The following SWT1 variants were observed in gnomAD, a reference collection of about 807,000 sequenced individuals.
SWT1 encodes the protein transcriptional protein SWT1.
A neutral mutation model predicts 107.3 loss-of-function variants in SWT1; 33 were observed. The ratio of observed to expected loss-of-function variants is 0.31; its 90% CI spans 0.23 to 0.41. The LOEUF (loss-of-function observed/expected upper bound fraction) is 0.41. Ranked by LOEUF, SWT1 falls within the 10% of genes least tolerant of loss-of-function variation. The pLI is 1.00. For missense variants in SWT1, 898 were observed against 1,028.9 expected, an observed-to-expected ratio of 0.87 and a Z score of 1.74; for synonymous variants, 345 against 348.3, an observed-to-expected ratio of 0.99 and a Z score of 0.11.
intron 4 of SWT1, among the ~76,000 whole-genome samples, chr1:185,169,506 A>G (rs866563055): frequency 6.6e-6 from 1 of 152,204 alleles, no homozygotes; most frequent in Non-Finnish European, 1.5e-5. Context: ...AAAATTAGAG[A>G]TAATTTTATC....
intron 18 of SWT1, among the ~76,000 whole-genome samples, chr1:185,286,748 T>C (rs1404657097): frequency 6.6e-6 from 1 of 152,188 alleles, no homozygotes; most frequent in Admixed American, 6.5e-5. Flanking sequence ...ATAGAAATTA[T>C]TCTGTTTCTT....
At chr1:185,273,419 T>C (rs1212971560) in intron 17 of SWT1, among the ~76,000 whole-genome samples, 1 of 145,390 alleles carries the variant, frequency 6.9e-6, no homozygotes, top group Non-Finnish European at 1.5e-5. Flanking sequence ...ACAGTAAAAA[T>C]AGGCTGGGCG....
At chr1:185,232,914 C>G (rs1324293404) in intron 16 of SWT1, among the ~76,000 whole-genome samples, 9 of 152,068 alleles carry the variant, frequency 5.9e-5, no homozygotes, top group Non-Finnish European at 1.3e-4. Flanking sequence ...CTGGGGTGTG[C>G]CTGGCAATGA....
At chr1:185,193,895 T>A (rs1451153303) in intron 10 of SWT1, among the ~76,000 whole-genome samples, 1 of 152,236 alleles carries the variant, frequency 6.6e-6, no homozygotes, top group Non-Finnish European at 1.5e-5. Flanking sequence ...ACTAAAGCTA[T>A]GGCTTTCTGT....
At chr1:185,178,194 G>A (rs981506239) in intron 5 of SWT1, among the ~76,000 whole-genome samples, 1 of 152,122 alleles carries the variant, frequency 6.6e-6, no homozygotes. Context: ...GTCCAGCTAG[G>A]GTAGAGGGCC....
At chr1:185,190,178 G>A (rs1656835010) in intron 9 of SWT1, among the ~76,000 whole-genome samples, 1 of 152,158 alleles carries the variant, frequency 6.6e-6, no homozygotes, top group South Asian at 2.1e-4. Flanking sequence ...GTTTTTGAGA[G>A]TAGTTTTAGT....
At chr1:185,201,689 C>T (rs1356266992) in intron 10 of SWT1, among the ~76,000 whole-genome samples, 1 of 152,136 alleles carries the variant, frequency 6.6e-6, no homozygotes, top group Non-Finnish European at 1.5e-5. Context: ...TGGAGCTGTT[C>T]CTATTCTGCC....
At chr1:185,189,819 T>C (rs1488239243) in intron 9 of SWT1, among the ~76,000 whole-genome samples, 3 of 150,102 alleles carry the variant, frequency 2.0e-5, no homozygotes, top group Non-Finnish European at 4.4e-5. Context: ...GAAATACATA[T>C]ATTTCTTATA....
intron 18 of SWT1, chr1:185,281,428 A>G: frequency 4.6e-6 from 1 of 215,444 alleles, no homozygotes; most frequent in Non-Finnish European, 9.6e-6. Context: ...GACATCAAAG[A>G]CACTACCGTG....
rs1183164055 is a variant in SWT1 at position 185,271,375 on chromosome 1, C to T, written c.2494C>T (p.Leu832=). The change falls in exon 17 of 19, where the codon CTA becomes TTA. Residue 832 remains leucine (L), a synonymous_variant. Coordinates refer to ENST00000367500, the MANE Select transcript of SWT1 (RefSeq NM_017673.7). ...YQDVETLYNF[L]IKYEVNKNVK... ...AGATGTTGAGACCCTCTATAACTTC[C>T]TAATCAAGTATGAGGTATGGGAAAT... 13 of 1,493,486 alleles carry T rather than the reference C, an allele frequency of 8.7e-6. No homozygotes were observed. Among genetic ancestry groups the T allele is most frequent in the Non-Finnish European group, 1.2e-5 (13 of 1,072,966 alleles). 92.5% of individuals were successfully genotyped at this position (1,493,486 alleles called of 1,614,324 possible).
chr1:185,198,964 G>GTTT, intron 10 of SWT1, among the ~76,000 whole-genome samples: 1 of 145,548 alleles, frequency 6.9e-6, no homozygotes, highest in African/African-American at 2.5e-5. Context: ...TTTGAGACGA[G>GTTT]TCTCGCTCTG....
At chr1:185,217,136 C>T (rs1193621566) in intron 14 of SWT1, among the ~76,000 whole-genome samples, 1 of 152,174 alleles carries the variant, frequency 6.6e-6, no homozygotes, top group Non-Finnish European at 1.5e-5. Context: ...TTGAAACCAT[C>T]CACGCTGTTT....
intron 15 of SWT1, 21 bp downstream of exon 15, chr1:185,222,057 T>C: frequency 1.4e-6 from 2 of 1,440,570 alleles, no homozygotes; most frequent in Non-Finnish European, 1.8e-6. Flanking sequence ...TGGGGGAATT[T>C]TTTTTTAGTT....
At chr1:185,197,570 G>T (rs990909987) in intron 10 of SWT1, among the ~76,000 whole-genome samples, 3 of 152,168 alleles carry the variant, frequency 2.0e-5, no homozygotes, top group African/African-American at 7.2e-5. Context: ...GAATTTGGCT[G>T]TGAATCCGTC....
chr1:185,244,087 TA>T (rs1661436550), intron 16 of SWT1, among the ~76,000 whole-genome samples: 1 of 152,040 alleles, frequency 6.6e-6, no homozygotes, highest in African/African-American at 2.4e-5. Context: ...CTCTCTTTTT[TA>T]ATATATATAA....
intron 16 of SWT1, among the ~76,000 whole-genome samples, chr1:185,262,873 A>G (rs1234703132): frequency 6.7e-6 from 1 of 149,890 alleles, no homozygotes; most frequent in East Asian, 1.9e-4. Context: ...TGCAGCCTCA[A>G]CCTCCCCAAG....
chr1:185,201,189 C>T (rs946184487), intron 10 of SWT1, among the ~76,000 whole-genome samples: 16 of 152,056 alleles, frequency 1.1e-4, no homozygotes, highest in Admixed American at 6.6e-4. Context: ...TGCTAGGCTT[C>T]GTGAGGCTGA....
At chr1:185,162,089 G>A (rs1056620834) in intron 2 of SWT1, among the ~76,000 whole-genome samples, 4 of 152,144 alleles carry the variant, frequency 2.6e-5, no homozygotes, top group Non-Finnish European at 5.9e-5. Flanking sequence ...TATGTGGAAA[G>A]GCAACACTGA....
At chr1:185,177,992 C>T (rs1655707170) in intron 5 of SWT1, among the ~76,000 whole-genome samples, 1 of 152,064 alleles carries the variant, frequency 6.6e-6, no homozygotes, top group South Asian at 2.1e-4. Context: ...TTATTAGCCT[C>T]AAGAAGTTCC....
Sources: allele counts gnomAD v4.1 joint callset (sites outside exome capture counted in the v4.1 genomes callset), GRCh38; gene constraint gnomAD v4.1.1; transcripts MANE v1.5; gene names NCBI Gene and HGNC (gene_info 2026-07-23, HGNC 2026-07-21).